GSK3B: variants seen among roughly 807,000 people sequenced by gnomAD.
The protein encoded by GSK3B is glycogen synthase kinase 3 beta, also known as glycogen synthase kinase-3 beta.
GSK3B carries 15 observed loss-of-function variants against 56.4 expected under a neutral mutation model. The observed-to-expected ratio is 0.27, with a 90% CI of 0.18 to 0.41. The LOEUF is 0.41. Among genes scored for constraint, GSK3B ranks in the 10% least tolerant of loss-of-function variants. The pLI is 1.00. For missense variants in GSK3B, 300 were observed against 513.4 expected, an observed-to-expected ratio of 0.58 and a Z score of 4.02; for synonymous variants, 181 against 188.9, an observed-to-expected ratio of 0.96 and a Z score of 0.34.
At chr3:119,848,007 A>G (rs2055879566) in intron 9 of GSK3B, among the ~76,000 whole-genome samples, 1 of 152,230 alleles carries the variant, frequency 6.6e-6, no homozygotes, top group Admixed American at 6.5e-5. Flanking sequence ...GCTTTTATTA[A>G]AACTGAAAAT....
At chr3:120,036,792 C>CAA (rs560163237) in intron 1 of GSK3B, among the ~76,000 whole-genome samples, 6,787 of 64,014 alleles carry the variant, frequency 0.11, 780 homozygotes, top group African/African-American at 0.14. Flanking sequence ...GACTCCGACT[C>CAA]AAAAAAAAAA....
At chr3:119,990,732 C>G (rs1341294734) in intron 2 of GSK3B, among the ~76,000 whole-genome samples, 3 of 152,282 alleles carry the variant, frequency 2.0e-5, no homozygotes, top group African/African-American at 7.2e-5. Flanking sequence ...AGTTCGAGAC[C>G]AGCCTGACCA....
At chr3:119,920,946 T>G (rs970470933) in intron 4 of GSK3B, among the ~76,000 whole-genome samples, 5 of 152,188 alleles carry the variant, frequency 3.3e-5, no homozygotes, top group African/African-American at 1.2e-4. Flanking sequence ...CCGTGACAAT[T>G]AGCACCTCTA....
At chr3:120,046,563 T>G (rs955379749) in intron 1 of GSK3B, among the ~76,000 whole-genome samples, 2 of 152,176 alleles carry the variant, frequency 1.3e-5, no homozygotes, top group African/African-American at 2.4e-5. Context: ...CTAGAGTATG[T>G]ATCACTTGGA....
At chr3:119,954,420 T>C (rs1172991220) in intron 2 of GSK3B, among the ~76,000 whole-genome samples, 15 of 102,478 alleles carry the variant, frequency 1.5e-4, no homozygotes, top group East Asian at 6.0e-4. Flanking sequence ...TTCATGAAAC[T>C]TGTTAATTAT....
chr3:119,889,243 G>A (rs886114082), intron 7 of GSK3B, among the ~76,000 whole-genome samples: 3 of 152,032 alleles, frequency 2.0e-5, no homozygotes, highest in African/African-American at 2.4e-5. Flanking sequence ...CCCGGAGGCC[G>A]AGCTGTAAAA....
chr3:119,948,202 A>G (rs1228603280), intron 2 of GSK3B, among the ~76,000 whole-genome samples: 2 of 152,230 alleles, frequency 1.3e-5, no homozygotes, highest in African/African-American at 4.8e-5. Flanking sequence ...AGTTAAAGTA[A>G]TGATTTAGAA....
intron 9 of GSK3B, among the ~76,000 whole-genome samples, chr3:119,863,168 C>G (rs752022857): frequency 6.6e-6 from 1 of 152,332 alleles, no homozygotes; most frequent in Admixed American, 6.5e-5. Context: ...TCTGTAACTT[C>G]TCATGTGCCA....
At chr3:119,885,869 C>A (rs188834188) in intron 7 of GSK3B, among the ~76,000 whole-genome samples, 56 of 152,132 alleles carry the variant, frequency 3.7e-4, no homozygotes, top group African/African-American at 1.3e-3. Flanking sequence ...AAACTGGACC[C>A]CTATCTTTCA....
intron 7 of GSK3B, among the ~76,000 whole-genome samples, chr3:119,882,432 C>A (rs1175445062): frequency 6.6e-6 from 1 of 152,066 alleles, no homozygotes; most frequent in Admixed American, 6.6e-5. Flanking sequence ...ACAGTGAACA[C>A]CAACCCACTA....
At chr3:119,855,938 T>C (rs1278715718) in intron 9 of GSK3B, among the ~76,000 whole-genome samples, 1 of 152,230 alleles carries the variant, frequency 6.6e-6, no homozygotes, top group Non-Finnish European at 1.5e-5. Context: ...GTAACAAACC[T>C]GCACGTTGTG....
chr3:119,934,055 T>G (rs2056971366), intron 3 of GSK3B, among the ~76,000 whole-genome samples: 1 of 152,200 alleles, frequency 6.6e-6, no homozygotes, highest in Admixed American at 6.5e-5. Context: ...AAAAGAGACA[T>G]GTCTCTTACG....
At chr3:119,874,593 T>A (rs2056287739) in intron 8 of GSK3B, among the ~76,000 whole-genome samples, 1 of 151,912 alleles carries the variant, frequency 6.6e-6, no homozygotes, top group African/African-American at 2.4e-5. Context: ...ATGGACTCAA[T>A]TTCAGCTTTA....
rs779447242 is a variant in GSK3B at position 119,826,656 on chromosome 3, T to TA, written c.*131dup. ...GGTTAAATAAGAACAACAATAATAA[T>TA]AAAAAAATTGAACACTAAAATGAAC... On this transcript the variant is annotated 3_prime_UTR_variant, in exon 11 of 11. Transcript: ENST00000264235. The TA allele has an allele frequency of 4.1e-5, 26 of 627,076 alleles. No individual in the cohort carries two copies. The highest frequency in any genetic ancestry group is 6.4e-5 in the Non-Finnish European group (21 of 330,106). The allele number at this position is 627,076 out of a possible 1,614,324, so 38.8% of individuals were successfully genotyped here.
chr3:120,049,581 G>C (rs1401560631), intron 1 of GSK3B, among the ~76,000 whole-genome samples: 1 of 152,134 alleles, frequency 6.6e-6, no homozygotes, highest in African/African-American at 2.4e-5. Flanking sequence ...CTGAACAGAA[G>C]ACAAACCCAG....
chr3:119,963,018 C>T (rs373133399), intron 2 of GSK3B, among the ~76,000 whole-genome samples: 6 of 152,214 alleles, frequency 3.9e-5, no homozygotes, highest in Non-Finnish European at 5.9e-5. Context: ...CACACTGGTC[C>T]GCAGCCTGAG....
chr3:119,865,883 C>T (rs973898993), intron 8 of GSK3B, among the ~76,000 whole-genome samples: 1 of 152,092 alleles, frequency 6.6e-6, no homozygotes. Flanking sequence ...GGAATCCTAA[C>T]TCATAAAGTT....
chr3:120,070,604 G>C (rs1366558277), intron 1 of GSK3B, among the ~76,000 whole-genome samples: 1 of 151,538 alleles, frequency 6.6e-6, no homozygotes, highest in African/African-American at 2.4e-5. Flanking sequence ...CACTCAAAAA[G>C]CACTTTACAG....
Position 119,912,705 on chromosome 3 carries a change from T to C in GSK3B, c.714A>G (p.Ile238Met). ...IFGATDYTSS[I>M]DVWSAGCVLA... Reference sequence around the variant, plus strand: ...CATTATATTCAGATTTGTACTTACCTATACTAGAGGTATAATCAGTGGCTC... The same window carrying C: ...CATTATATTCAGATTTGTACTTACCCATACTAGAGGTATAATCAGTGGCTC... Residue 238 changes from isoleucine (I) to methionine (M), a missense_variant and splice_region_variant, in exon 6 of 11, where the codon ATA (isoleucine) becomes ATG (methionine). Ile to Met is a conservative substitution (Grantham distance 10, BLOSUM62 1). Coordinates refer to ENST00000264235, the MANE Select transcript of GSK3B (RefSeq NM_001146156.2). The C allele has an allele frequency of 1.5e-6, 2 of 1,353,024 alleles. No homozygotes were observed. The highest frequency in any genetic ancestry group is 1.2e-5 in the South Asian group (1 of 80,746). 83.8% of individuals were successfully genotyped at this position (1,353,024 alleles called of 1,614,324 possible).
Sources: gnomAD v4.1 joint callset for allele counts (sites outside exome capture counted in the v4.1 genomes callset) on GRCh38, gnomAD v4.1.1 for gene constraint, MANE v1.5 for transcripts, NCBI Gene and HGNC (gene_info 2026-07-23, HGNC 2026-07-21) for gene names.